Variants in CDKN2C observed in about 807,000 individuals in gnomAD.
The protein encoded by CDKN2C is cyclin-dependent kinase 4 inhibitor C.
CDKN2C carries 5 observed loss-of-function variants against 11.0 expected under a neutral mutation model. The ratio of observed to expected loss-of-function variants is 0.45; its 90% CI spans 0.24 to 0.95. The LOEUF (loss-of-function observed/expected upper bound fraction) is 0.95. Ranked by LOEUF, CDKN2C falls within the 40% of genes least tolerant of loss-of-function variation. CDKN2C has a pLI of 0.21. For missense variants in CDKN2C, 161 were observed against 211.9 expected (o/e 0.76, Z 1.49); for synonymous variants, 79 against 88.3 (o/e 0.89, Z 0.59).
rs148188896 is a variant in CDKN2C at position 50,974,257 on chromosome 1, C to A, written c.494C>A (p.Thr165Lys). The change falls in exon 2 of 2, where the codon ACA becomes AAA. Residue 165 changes from threonine to lysine, a missense_variant. Thr to Lys is a moderately conservative substitution (Grantham distance 78). Coordinates refer to ENST00000371761, the MANE Select transcript of CDKN2C (RefSeq NM_078626.3). ...CAGGCAAACGGGGCTGGGGGAGCCA[C>A]AAATCTTCAATAAACGTGGGGAGGG... Reference protein sequence around the residue: ...LMQANGAGGATNLQ With the variant: ...LMQANGAGGAKNLQ The A allele has an allele frequency of 1.9e-6, 3 of 1,556,310 alleles. No individual in the cohort carries two copies. In the Admixed American group the frequency reaches 5.8e-5, roughly 30 times the overall value.
intron 1 of CDKN2C, 88 bp downstream of exon 1, chr1:50,970,585 G>T: frequency 6.7e-7 from 1 of 1,482,766 alleles, no homozygotes; most frequent in African/African-American, 1.4e-5. Context: ...AAGCTTTCAG[G>T]GACATAAAAT....
chr1:50,966,485 T>G (rs1240362930), upstream of CDKN2C, among the ~76,000 whole-genome samples: 1 of 152,232 alleles, frequency 6.6e-6, no homozygotes, highest in Non-Finnish European at 1.5e-5. Flanking sequence ...AGCACCACTC[T>G]CAATATAGTA....
upstream of CDKN2C, chr1:50,969,252 G>GGGAAAGGAA (rs960085591): frequency 6.5e-6 from 1 of 153,584 alleles, no homozygotes. The surrounding 1 kb of genome is among the most constrained non-coding windows in gnomAD (Gnocchi z 6.6). Context: ...CCACAAAACC[G>GGGAAAGGAA]GGAAAGGAAG....
upstream of CDKN2C, among the ~76,000 whole-genome samples, chr1:50,967,456 A>G (rs1053868043): frequency 1.3e-5 from 2 of 152,066 alleles, no homozygotes; most frequent in Admixed American, 6.5e-5. Context: ...CTTTCCCTCT[A>G]CCTACCAATC....
chr1:50,970,803 T>C (rs1169285002), intron 1 of CDKN2C, among the ~76,000 whole-genome samples: 1 of 152,080 alleles, frequency 6.6e-6, no homozygotes, highest in Non-Finnish European at 1.5e-5. Flanking sequence ...TTGTTTGTTT[T>C]GTTTTGTTTT....
chr1:50,970,256 C>A lies in CDKN2C; in HGVS notation c.-113C>A. On this transcript the variant is annotated 5_prime_UTR_variant, in exon 1 of 2. Transcript: ENST00000371761. ...CCAAGCTCTACTCCAGATTAACCAT[C>A]CCAGTCCTTCTGTCAGTCTCCGATG... 2 of 1,323,510 alleles carry A rather than the reference C, an allele frequency of 1.5e-6. No homozygotes were observed. Among genetic ancestry groups the A allele is most frequent in the South Asian group, 1.2e-5 (1 of 81,144 alleles). The allele number at this position is 1,323,510 out of a possible 1,614,324, so 82.0% of individuals were successfully genotyped here. A position where few individuals can be genotyped will look rare whatever the true frequency, so the allele number is the denominator to read the frequency against.
In CDKN2C at chr1:50,974,253, G is replaced by A. The variant is rs2147958742; in HGVS notation, c.490G>A (p.Ala164Thr). 1 of 1,558,604 alleles carries A rather than the reference G, an allele frequency of 6.4e-7. No individual in the cohort carries two copies. The highest frequency in any genetic ancestry group is 8.7e-7 in the Non-Finnish European group (1 of 1,151,804). ...SLMQANGAGG[A>T]TNLQ is the part of the protein sequence containing the mutation. ...GATGCAGGCAAACGGGGCTGGGGGA[G>A]CCACAAATCTTCAATAAACGTGGGG... Residue 164 changes from alanine (A) to threonine (T), a missense_variant, in exon 2 of 2, where the codon GCC becomes ACC. Coordinates refer to ENST00000371761, the MANE Select transcript of CDKN2C (RefSeq NM_078626.3).
intron 1 of CDKN2C, among the ~76,000 whole-genome samples, chr1:50,971,969 G>C (rs749331406): frequency 2.3e-4 from 35 of 152,130 alleles, no homozygotes; most frequent in Non-Finnish European, 4.0e-4. Context: ...TCCTGACTCT[G>C]AAGTTGTGTC....
At chr1:50,967,386 CTA>C (rs1284440695), upstream of CDKN2C, among the ~76,000 whole-genome samples, 1 of 152,196 alleles carries the variant, frequency 6.6e-6, no homozygotes, top group East Asian at 1.9e-4. Context: ...GAAAAGAACT[CTA>C]GTTTTTTTCT....
upstream of CDKN2C, chr1:50,969,000 GGCCAAGGAGGAAGCAGTGCT>G (rs958932014): frequency 5.2e-5 from 8 of 153,508 alleles, no homozygotes; most frequent in Non-Finnish European, 8.7e-5. Context: ...GGAGCGGTGC[GGCCAAGGAGGAAGCAGTGCT>G]GCCAGGCTCT....
chr1:50,962,608 C>T (rs181333749), intron 1 of CDKN2C, among the ~76,000 whole-genome samples: 1 of 152,236 alleles, frequency 6.6e-6, no homozygotes, highest in East Asian at 1.9e-4. Flanking sequence ...TGTAATGATG[C>T]GTGTGTACCT....
intron 1 of CDKN2C, among the ~76,000 whole-genome samples, chr1:50,962,316 G>A (rs1008442984): frequency 1.1e-4 from 16 of 152,210 alleles, no homozygotes; most frequent in Admixed American, 8.5e-4. Flanking sequence ...CCTGGGAGGT[G>A]GAGGTTGCAG....
At position 50,974,234 on chromosome 1, in the gene CDKN2C, G is replaced by A. The variant is rs1297341642; in HGVS notation, c.471G>A (p.Gln157=). The change falls in exon 2 of 2, where the codon CAG becomes CAA. Residue 157 remains glutamine (Q), a synonymous_variant. Coordinates refer to ENST00000371761, the MANE Select transcript of CDKN2C (RefSeq NM_078626.3). ...GGAATGAGGTTGTTAGCCTGATGCA[G>A]GCAAACGGGGCTGGGGGAGCCACAA... is the stretch of plus-strand genomic sequence containing the variant. ...YGRNEVVSLM[Q]ANGAGGATNL... 6.3e-7 allele frequency: 1 copy of A among 1,585,214 alleles called. No individual in the cohort carries two copies. The highest frequency in any genetic ancestry group is 8.6e-7 in the Non-Finnish European group (1 of 1,162,842).
At chr1:50,960,907 A>T (rs1030900079) in intron 1 of CDKN2C, 1 of 152,226 alleles carries the variant, frequency 6.6e-6, no homozygotes, top group Non-Finnish European at 1.5e-5. Context: ...CAAAGGGGGA[A>T]AAAAGGGAAA....
At chr1:50,973,755 A>G in intron 1 of CDKN2C, 138 bp from the exon 2 acceptor site, 1 of 1,043,240 alleles carries the variant, frequency 9.6e-7, no homozygotes, top group Admixed American at 1.7e-5. Flanking sequence ...TGACCCCTTC[A>G]AGCCCCATCC....
intron 1 of CDKN2C, among the ~76,000 whole-genome samples, chr1:50,964,470 G>A (rs1645337747): frequency 6.6e-6 from 1 of 152,058 alleles, no homozygotes; most frequent in African/African-American, 2.4e-5. Context: ...TTGATTCTTT[G>A]GTTAAGATAA....
intron 1 of CDKN2C, among the ~76,000 whole-genome samples, chr1:50,965,212 C>A: frequency 6.6e-6 from 1 of 150,864 alleles, no homozygotes; most frequent in East Asian, 2.0e-4. Context: ...TAACGAAGAA[C>A]TTTCAGGCCG....
chr1:50,965,111 T>G (rs972883816), intron 1 of CDKN2C, among the ~76,000 whole-genome samples: 1 of 147,260 alleles, frequency 6.8e-6, no homozygotes, highest in African/African-American at 2.5e-5. Context: ...TGCATCATAT[T>G]TTATAACCAT....
At chr1:50,962,408 T>A (rs990253424) in intron 1 of CDKN2C, among the ~76,000 whole-genome samples, 14 of 152,142 alleles carry the variant, frequency 9.2e-5, no homozygotes, top group African/African-American at 2.2e-4. Context: ...AATATTTTTT[T>A]AAAAAGAAAG....
Sources: allele counts gnomAD v4.1 joint callset (sites outside exome capture counted in the v4.1 genomes callset), GRCh38; gene constraint gnomAD v4.1.1; non-coding constraint Gnocchi (gnomAD v3.1); transcripts MANE v1.5; gene names NCBI Gene and HGNC (gene_info 2026-07-23, HGNC 2026-07-21).